The following CPEB2 variants were observed in gnomAD, a reference collection of about 807,000 sequenced individuals.
CPEB2 encodes the protein cytoplasmic polyadenylation element binding protein 2.
Under a neutral mutation model 93.6 loss-of-function variants are expected in CPEB2, and 56 were observed. The observed-to-expected ratio is 0.60, with a 90% confidence interval of 0.48 to 0.75. The LOEUF is 0.75. Ranked by LOEUF, CPEB2 falls within the 30% of genes least tolerant of loss-of-function variation. The pLI, the probability that CPEB2 is intolerant of heterozygous loss-of-function variation, is 0.00. For synonymous variants in CPEB2, 764 were observed against 586.3 expected, an observed-to-expected ratio of 1.30 and a Z score of -4.38; for missense variants, 1,579 against 1,395.1, an observed-to-expected ratio of 1.13 and a Z score of -2.10.
Position 15,007,556 on chromosome 4 carries a change from C to T in CPEB2, c.1914C>T (p.Asp638=), listed in dbSNP as rs1295546627. ...SWIEDNVFRT[D]NNSNTLLPLQ... is the part of the protein sequence containing the mutation. ...TTGAAGATAATGTGTTCAGAACAGA[C>T]AACAATAGTAATACACTCTTACCCT... Residue 638 remains aspartate (D), a synonymous_variant, in exon 2 of 12, where the codon GAC becomes GAT. Coordinates refer to ENST00000538197, the MANE Select transcript of CPEB2 (RefSeq NM_001177382.2). 6.2e-7 allele frequency: 1 copy of T among 1,607,634 alleles called. No homozygotes were observed. Among genetic ancestry groups the T allele is most frequent in the African/African-American group, 1.3e-5 (1 of 74,878 alleles).
intron 11 of CPEB2, 70 bp downstream of exon 11, chr4:15,062,330 G>T: frequency 9.3e-7 from 1 of 1,077,328 alleles, no homozygotes. Flanking sequence ...ATACCCTAAC[G>T]AGTTAATAAT....
At chr4:15,025,489 T>C (rs1725347899) in intron 4 of CPEB2, among the ~76,000 whole-genome samples, 1 of 152,026 alleles carries the variant, frequency 6.6e-6, no homozygotes, top group African/African-American at 2.4e-5. Context: ...GTTGAAATTA[T>C]CAACTAGTAA....
intron 11 of CPEB2, 104 bp downstream of exon 11, chr4:15,062,364 A>T: frequency 1.4e-6 from 1 of 738,172 alleles, no homozygotes; most frequent in Non-Finnish European, 2.1e-6. Flanking sequence ...TTTAATTTTT[A>T]TACTTCTGTA....
intron 4 of CPEB2, chr4:15,017,927 A>G (rs1239190111): frequency 4.6e-5 from 7 of 151,924 alleles, no homozygotes; most frequent in Admixed American, 3.3e-4. Flanking sequence ...TTTTTATACA[A>G]TATATCACAT....
chr4:15,033,356 A>G (rs1350625125), intron 5 of CPEB2, 145 bp downstream of exon 5: 1 of 648,762 alleles, frequency 1.5e-6, no homozygotes, highest in East Asian at 2.9e-5. Context: ...TGCAAAAGGC[A>G]GAATTAGGAA....
intron 4 of CPEB2, chr4:15,017,890 A>G (rs1366726935): frequency 1.3e-5 from 2 of 151,888 alleles, no homozygotes; most frequent in Non-Finnish European, 2.9e-5. Flanking sequence ...TTCTGTGTAT[A>G]AAATGAAAAA....
chr4:15,005,054 C>T (rs1226591521), intron 1 of CPEB2: 2 of 152,264 alleles, frequency 1.3e-5, no homozygotes, highest in South Asian at 4.1e-4. Flanking sequence ...CTGGCAGCGC[C>T]GCACCCTGGG....
At chr4:15,056,810 C>A (rs1034151090) in intron 8 of CPEB2, among the ~76,000 whole-genome samples, 11 of 151,964 alleles carry the variant, frequency 7.2e-5, no homozygotes, top group Non-Finnish European at 1.5e-4. Flanking sequence ...TTAACAAATT[C>A]GAAAGAAGCT....
At chr4:15,048,056 A>G (rs1480163142) in intron 6 of CPEB2, among the ~76,000 whole-genome samples, 1 of 151,950 alleles carries the variant, frequency 6.6e-6, no homozygotes, top group South Asian at 2.1e-4. Flanking sequence ...TGATAAATCA[A>G]TCTTACGTTC....
intron 3 of CPEB2, among the ~76,000 whole-genome samples, chr4:15,016,572 A>G (rs889099441): frequency 6.6e-6 from 1 of 151,988 alleles, no homozygotes; most frequent in Non-Finnish European, 1.5e-5. Context: ...TTAAAAATGC[A>G]GAGACAAATA....
chr4:15,065,911 A>G (rs1216209518), intron 11 of CPEB2, among the ~76,000 whole-genome samples: 1 of 151,066 alleles, frequency 6.6e-6, no homozygotes, highest in African/African-American at 2.5e-5. Flanking sequence ...AAATACCAGC[A>G]CACAGGTGTT....
In CPEB2 at chr4:15,066,739, G is replaced by T; in HGVS notation, c.*359G>T. ...AAGCGTGCACTTATTTCTAAACATG[G>T]GTTTTTAACTTCAAGATCTGCCCCA... On this transcript the variant is annotated 3_prime_UTR_variant, in exon 12 of 12. Transcript: ENST00000538197. 5.5e-6 allele frequency: 1 copy of T among 183,118 alleles called. No individual in the cohort carries two copies. The highest frequency in any genetic ancestry group is 1.1e-5 in the Non-Finnish European group (1 of 87,744). The allele number at this position is 183,118 out of a possible 1,614,324, so 11.3% of individuals were successfully genotyped here. A position where few individuals can be genotyped will look rare whatever the true frequency, so the allele number is the denominator to read the frequency against.
intron 4 of CPEB2, among the ~76,000 whole-genome samples, chr4:15,024,147 C>A (rs1199761047): frequency 6.6e-6 from 1 of 152,006 alleles, no homozygotes; most frequent in Non-Finnish European, 1.5e-5. Context: ...AAATTATCAT[C>A]CAGATTGTTT....
chr4:15,003,904 C>A lies in CPEB2; in HGVS notation c.1231C>A (p.Gln411Lys). Residue 411 changes from glutamine (Q) to lysine (K), a missense_variant, in exon 1 of 12, where the codon CAG becomes AAG. Coordinates refer to ENST00000538197, the MANE Select transcript of CPEB2 (RefSeq NM_001177382.2). ...QPQQQPPPPQ[Q>K]PPQPQPQPPG... ...GCAGCAGCAGCCGCCGCCACCCCAG[C>A]AGCCGCCCCAGCCGCAGCCGCAGCC... is the stretch of plus-strand genomic sequence containing the variant. 2 of 939,948 alleles carry A rather than the reference C, an allele frequency of 2.1e-6. No individual in the cohort carries two copies. 58.2% of individuals were successfully genotyped at this position (939,948 alleles called of 1,614,324 possible).
At chr4:15,020,059 G>A (rs1237904431) in intron 4 of CPEB2, among the ~76,000 whole-genome samples, 1 of 152,060 alleles carries the variant, frequency 6.6e-6, no homozygotes, top group African/African-American at 2.4e-5. Context: ...GTTGGCAGAA[G>A]AACTTGGTTT....
intron 3 of CPEB2, chr4:15,010,455 G>A (rs1427674198): frequency 6.6e-6 from 1 of 152,198 alleles, no homozygotes; most frequent in Non-Finnish European, 1.5e-5. Context: ...CTTAAAAGCA[G>A]TGTCATTGTC....
At chr4:15,040,318 C>A in intron 5 of CPEB2, 146 bp from the exon 6 acceptor site, 2 of 625,958 alleles carry the variant, frequency 3.2e-6, no homozygotes, top group South Asian at 2.3e-5. Flanking sequence ...ACATTTAAAT[C>A]TTATATGGTG....
chr4:15,036,539 A>C (rs984289882), intron 5 of CPEB2, among the ~76,000 whole-genome samples: 2 of 152,284 alleles, frequency 1.3e-5, no homozygotes, highest in East Asian at 1.9e-4. Context: ...TTAAAAAAAA[A>C]CCCTGCCTTC....
Position 15,054,119 on chromosome 4 carries a change from T to G in CPEB2, c.2372-9T>G. ...TAATTTCTAATGTGTATTATTGTAC[T>G]TTCTTAAGATGAAATAACTGCTAGC... On this transcript the variant is annotated splice_polypyrimidine_tract_variant and intron_variant, in intron 7 of 11. Coordinates refer to ENST00000538197, the MANE Select transcript of CPEB2 (RefSeq NM_001177382.2). The G allele has an allele frequency of 6.3e-7, 1 of 1,591,928 alleles. No individual in the cohort carries two copies. Among genetic ancestry groups the G allele is most frequent in the South Asian group, 1.1e-5 (1 of 89,228 alleles).
Sources: allele counts gnomAD v4.1 joint callset (sites outside exome capture counted in the v4.1 genomes callset), GRCh38; gene constraint gnomAD v4.1.1; transcripts MANE v1.5; gene names NCBI Gene and HGNC (gene_info 2026-07-23, HGNC 2026-07-21).